OXSM: variants seen among roughly 807,000 people sequenced by gnomAD.
The protein encoded by OXSM is 3-oxoacyl-ACP synthase, mitochondrial, also known as 3-oxoacyl-[acyl-carrier-protein] synthase, mitochondrial.
In OXSM, 19 loss-of-function variants were observed where a neutral mutation model predicts 29.2. The ratio of observed to expected loss-of-function variants is 0.65; its 90% CI spans 0.45 to 0.96. The LOEUF (loss-of-function observed/expected upper bound fraction) is 0.96. OXSM is among the 40% of genes least tolerant of loss of function. The pLI is 0.00. For synonymous variants in OXSM, 178 were observed against 197.1 expected (o/e 0.90, Z 0.81); for missense variants, 554 against 551.3 (o/e 1.00, Z -0.05).
At chr3:25,790,901 A>G in intron 1 of OXSM, 89 bp from the exon 2 acceptor site, 1 of 881,850 alleles carries the variant, frequency 1.1e-6, no homozygotes, top group South Asian at 1.7e-5. Flanking sequence ...GCTCATATCA[A>G]GCACCCAAAG....
At chr3:25,793,626 A>G (rs1220190177) in intron 2 of OXSM, among the ~76,000 whole-genome samples, 1 of 152,210 alleles carries the variant, frequency 6.6e-6, no homozygotes, top group Non-Finnish European at 1.5e-5. Flanking sequence ...AGATTATTTG[A>G]AACAATGAAA....
At chr3:25,793,036 C>T (rs1708795954) in intron 2 of OXSM, among the ~76,000 whole-genome samples, 1 of 152,146 alleles carries the variant, frequency 6.6e-6, no homozygotes, top group Non-Finnish European at 1.5e-5. Context: ...GAATGTGTTC[C>T]AATGAAACTA....
chr3:25,794,422 A>G lies in OXSM; in HGVS notation c.1308A>G (p.Lys436=). Reference sequence around the variant, plus strand: ...AGGCACAGGAATGGAAAACTGAGAAAAGATTTATTGGCCTCACCAATTCCT... The same window carrying G: ...AGGCACAGGAATGGAAAACTGAGAAGAGATTTATTGGCCTCACCAATTCCT... ...PLKAQEWKTE[K]RFIGLTNSFG... Residue 436 remains lysine, a synonymous_variant, in exon 3 of 3, where the codon AAA becomes AAG. Transcript: ENST00000280701. The G allele has an allele frequency of 6.2e-7, 1 of 1,614,086 alleles. No individual in the cohort carries two copies. The highest frequency in any genetic ancestry group is 8.5e-7 in the Non-Finnish European group (1 of 1,179,882).
chr3:25,793,967 G>A, intron 2 of OXSM, 125 bp from the exon 3 acceptor site: 1 of 769,346 alleles, frequency 1.3e-6, no homozygotes, highest in Middle Eastern at 3.5e-4. Context: ...CGTTACTAGA[G>A]CAAGGGATTC....
Position 25,791,494 on chromosome 3 carries a change from AGTT to A in OXSM, c.478_480del (p.Val160del). On this transcript the variant is annotated inframe_deletion, in exon 2 of 3. Coordinates refer to ENST00000280701, the MANE Select transcript of OXSM (RefSeq NM_017897.3). ...TTGGCATGGGAATGATTCCTCTTGAAGTTGTTTCTGAAACTGCTTTGAATTTTC... is the reference window on the plus strand; with the variant it reads ...TTGGCATGGGAATGATTCCTCTTGAAGTTTCTGAAACTGCTTTGAATTTTC... 6.2e-7 allele frequency: 1 copy of A among 1,614,186 alleles called. No homozygotes were observed. The highest frequency in any genetic ancestry group is 8.5e-7 in the Non-Finnish European group (1 of 1,180,028).
rs1450552623 is a variant in OXSM at position 25,794,142 on chromosome 3, C to T, written c.1028C>T (p.Ser343Phe). 1 of 1,613,954 alleles carries T rather than the reference C, an allele frequency of 6.2e-7. No homozygotes were observed. The highest frequency in any genetic ancestry group is 1.7e-5 in the Admixed American group (1 of 60,010). The change falls in exon 3 of 3, where the codon TCC becomes TTC. Residue 343 changes from serine to phenylalanine, a missense_variant. Ser to Phe is a radical substitution (Grantham distance 155). Transcript: ENST00000280701. ...GCAGGTGTGCAGCCTGAGGAGATAT[C>T]CTATATCAATGCACATGCTACTTCC... The part of the protein sequence containing the change: ...KDAGVQPEEI[S>F]YINAHATSTP...
chr3:25,794,154 C>A lies in OXSM; in HGVS notation c.1040C>A (p.Ala347Glu), dbSNP rs1220809039. The A allele has an allele frequency of 1.9e-6, 3 of 1,614,138 alleles. No homozygotes were observed. The highest frequency in any genetic ancestry group is 2.5e-6 in the Non-Finnish European group (3 of 1,179,948). Residue 347 changes from alanine to glutamate, a missense_variant, in exon 3 of 3, where the codon GCA becomes GAA. Coordinates refer to ENST00000280701, the MANE Select transcript of OXSM (RefSeq NM_017897.3). ...CCTGAGGAGATATCCTATATCAATGCACATGCTACTTCCACACCATTGGGA... is the reference window on the plus strand; with the variant it reads ...CCTGAGGAGATATCCTATATCAATGAACATGCTACTTCCACACCATTGGGA... ...VQPEEISYIN[A>E]HATSTPLGDA...
intron 1 of OXSM, 50 bp from the exon 2 acceptor site, chr3:25,790,934 TAGGCCC>T: frequency 7.6e-7 from 1 of 1,322,212 alleles, no homozygotes; most frequent in Non-Finnish European, 1.0e-6. Flanking sequence ...TGTTTTTCCT[TAGGCCC>T]TTAAGCTATT....
rs202167280 is a variant in OXSM at position 25,794,224 on chromosome 3, T to G, written c.1110T>G (p.His370Gln). 4 of 1,614,250 alleles carry G rather than the reference T, an allele frequency of 2.5e-6. No individual in the cohort carries two copies. Among genetic ancestry groups the G allele is most frequent in the Non-Finnish European group, 3.4e-6 (4 of 1,180,040 alleles). ...NKAIKHLFKD[H>Q]AYALAVSSTK... ...CTATCAAACATCTCTTCAAAGACCA[T>G]GCATATGCCCTTGCAGTTTCCTCAA... The change falls in exon 3 of 3, where the codon CAT becomes CAG. Residue 370 changes from histidine (H) to glutamine (Q), a missense_variant. By Grantham distance (24) the His-to-Gln change is conservative. Transcript: ENST00000280701.
Position 25,794,404 on chromosome 3 carries a change from G to A in OXSM, c.1290G>A (p.Gln430=), listed in dbSNP as rs749429120. 5 of 1,614,060 alleles carry A rather than the reference G, an allele frequency of 3.1e-6. No homozygotes were observed. The highest frequency in any genetic ancestry group is 4.2e-6 in the Non-Finnish European group (5 of 1,179,914). ...FDLNYVPLKA[Q]EWKTEKRFIG... ...TCAACTATGTTCCACTAAAGGCACAGGAATGGAAAACTGAGAAAAGATTTA... is the reference window on the plus strand; with the variant it reads ...TCAACTATGTTCCACTAAAGGCACAAGAATGGAAAACTGAGAAAAGATTTA... The change falls in exon 3 of 3, where the codon CAG becomes CAA. Residue 430 remains glutamine, a synonymous_variant. Transcript: ENST00000280701.
Position 25,794,411 on chromosome 3 carries a change from A to C in OXSM, c.1297A>C (p.Lys433Gln). ...TGTTCCACTAAAGGCACAGGAATGG[A>C]AAACTGAGAAAAGATTTATTGGCCT... ...NYVPLKAQEWKTEKRFIGLTN... is the reference protein window; with the variant it reads ...NYVPLKAQEWQTEKRFIGLTN... Residue 433 changes from lysine to glutamine, a missense_variant, in exon 3 of 3, where the codon AAA becomes CAA. By Grantham distance (53) the Lys-to-Gln change is moderately conservative. Transcript: ENST00000280701. 6.2e-7 allele frequency: 1 copy of C among 1,614,082 alleles called. No homozygotes were observed.
chr3:25,791,230 G>T lies in OXSM; in HGVS notation c.210G>T (p.Glu70Asp). The T allele has an allele frequency of 6.2e-7, 1 of 1,614,216 alleles. No homozygotes were observed. The highest frequency in any genetic ancestry group is 8.5e-7 in the Non-Finnish European group (1 of 1,180,030). ...HLVWDRLIGGESGIVSLVGEE... is the reference protein window; with the variant it reads ...HLVWDRLIGGDSGIVSLVGEE... ...TTTGGGATCGTCTTATCGGAGGAGAGAGTGGAATTGTTTCACTGGTTGGTG... is the reference window on the plus strand; with the variant it reads ...TTTGGGATCGTCTTATCGGAGGAGATAGTGGAATTGTTTCACTGGTTGGTG... The change falls in exon 2 of 3, where the codon GAG becomes GAT. Residue 70 changes from glutamate (E) to aspartate (D), a missense_variant. Coordinates refer to ENST00000280701, the MANE Select transcript of OXSM (RefSeq NM_017897.3).
chr3:25,793,038 A>G lies in OXSM; in HGVS notation c.977+1041A>G, dbSNP rs1055405808. On this transcript the variant is annotated intron_variant, in intron 2 of 2. Transcript: ENST00000280701. ...AATGTGTGGGCATGAATGTGTTCCA[A>G]TGAAACTATTTACAAAAATAGGCAT... 3.3e-5 allele frequency among the ~76,000 whole-genome samples: 5 copies of G among 152,254 alleles called. No individual in the cohort carries two copies. In the South Asian group the frequency reaches 1.0e-3, roughly 31 times the overall value.
rs747793549 is a variant in OXSM, at chr3:25,791,835, A to G, written c.815A>G (p.Asp272Gly). Residue 272 changes from aspartate to glycine, a missense_variant, in exon 2 of 3, where the codon GAT becomes GGT. Physicochemically the swap from Asp to Gly is moderately conservative, Grantham distance 94. Coordinates refer to ENST00000280701, the MANE Select transcript of OXSM (RefSeq NM_017897.3). ...LACRPFHPKR[D>G]GFVMGEGAAV... ...TGTCGACCATTTCATCCAAAGAGAG[A>G]TGGTTTTGTAATGGGAGAAGGTGCA... The G allele has an allele frequency of 1.2e-6, 2 of 1,613,870 alleles. No individual in the cohort carries two copies. The highest frequency in any genetic ancestry group is 2.2e-5 in the East Asian group (1 of 44,884).
intron 2 of OXSM, among the ~76,000 whole-genome samples, chr3:25,793,768 A>G (rs1005156590): frequency 1.3e-5 from 2 of 152,250 alleles, no homozygotes; most frequent in Admixed American, 1.3e-4. Flanking sequence ...TTGAGTCAAC[A>G]TGGTATTTTT....
At position 25,791,524 on chromosome 3, in the gene OXSM, G is replaced by A. The variant is rs890161265; in HGVS notation, c.504G>A (p.Gln168=). ...TTTCTGAAACTGCTTTGAATTTTCA[G>A]ACAAAAGGTTACAATAAAGTTAGCC... ...EVVSETALNF[Q]TKGYNKVSPF... Residue 168 remains glutamine, a synonymous_variant, in exon 2 of 3, where the codon CAG becomes CAA. Transcript: ENST00000280701. The A allele has an allele frequency of 1.2e-6, 2 of 1,614,090 alleles. No individual in the cohort carries two copies. The highest frequency in any genetic ancestry group is 1.3e-5 in the African/African-American group (1 of 74,930).
chr3:25,790,330 ACT>A (rs1708706312), intron 1 of OXSM, 183 bp downstream of exon 1: 1 of 192,522 alleles, frequency 5.2e-6, no homozygotes, highest in Non-Finnish European at 1.1e-5. Context: ...GAATGGCTAC[ACT>A]CTTTTACTCC....
chr3:25,791,204 G>A lies in OXSM; in HGVS notation c.184G>A (p.Val62Ile). 6.2e-7 allele frequency: 1 copy of A among 1,614,220 alleles called. No individual in the cohort carries two copies. Among genetic ancestry groups the A allele is most frequent in the Non-Finnish European group, 8.5e-7 (1 of 1,180,024 alleles). The change falls in exon 2 of 3, where the codon GTT (valine) becomes ATT (isoleucine). Residue 62 changes from valine to isoleucine, a missense_variant. Val to Ile is a conservative substitution (Grantham distance 29). Coordinates refer to ENST00000280701, the MANE Select transcript of OXSM (RefSeq NM_017897.3). The stretch of plus-strand genomic sequence containing the variant: ...TCCTCTTGGTGTTGGAACTCACCTG[G>A]TTTGGGATCGTCTTATCGGAGGAGA... ...VTPLGVGTHL[V>I]WDRLIGGESG...
chr3:25,791,643 C>G lies in OXSM; in HGVS notation c.623C>G (p.Ala208Gly), dbSNP rs777478186. ...GGCCCAAATCATGCAGTATCCACAG[C>G]CTGTACCACAGGAGCTCATGCTGTG... ...LKGPNHAVST[A>G]CTTGAHAVGD... Residue 208 changes from alanine to glycine, a missense_variant, in exon 2 of 3, where the codon GCC becomes GGC. By Grantham distance (60) the Ala-to-Gly change is moderately conservative (BLOSUM62 0). Transcript: ENST00000280701. The G allele has an allele frequency of 1.4e-5, 22 of 1,614,032 alleles. No homozygotes were observed. The South Asian group carries it at 2.3e-4, about 17-fold the overall frequency.
Sources: allele counts gnomAD v4.1 joint callset (sites outside exome capture counted in the v4.1 genomes callset), GRCh38; gene constraint gnomAD v4.1.1; transcripts MANE v1.5; gene names NCBI Gene and HGNC (gene_info 2026-07-23, HGNC 2026-07-21).